WLS: variants seen among roughly 807,000 people sequenced by gnomAD.
WLS encodes Wnt ligand secretion mediator, also known as protein wntless homolog.
Under a neutral mutation model 62.8 loss-of-function variants are expected in WLS, and 23 were observed. The observed-to-expected ratio is 0.37, with a 90% confidence interval of 0.26 to 0.52. WLS has a LOEUF of 0.52. Ranked by LOEUF, WLS falls within the 20% of genes least tolerant of loss-of-function variation. The pLI is 0.92. For synonymous variants in WLS, 246 were observed against 244.1 expected (o/e 1.01, Z -0.07); for missense variants, 615 against 697.3 (o/e 0.88, Z 1.33).
intron 11 of WLS, among the ~76,000 whole-genome samples, chr1:68,112,612 C>T (rs1646242467): frequency 6.6e-6 from 1 of 152,188 alleles, no homozygotes; most frequent in Admixed American, 6.5e-5. Flanking sequence ...ACCTTTTATC[C>T]AACTCTTTCA....
chr1:68,162,389 G>A, intron 2 of WLS: 2 of 1,613,890 alleles, frequency 1.2e-6, no homozygotes, highest in Non-Finnish European at 1.7e-6. Context: ...CAGTCGCTCT[G>A]ATACAGCAAA....
At chr1:68,119,628 C>T (rs917471319) in intron 11 of WLS, among the ~76,000 whole-genome samples, 1 of 152,370 alleles carries the variant, frequency 6.6e-6, no homozygotes, top group Non-Finnish European at 1.5e-5. Flanking sequence ...CCTGGCCGTG[C>T]ACCTTGGTGG....
intron 2 of WLS, chr1:68,186,606 T>G (rs1454353860): frequency 2.2e-6 from 1 of 456,098 alleles, no homozygotes; most frequent in Non-Finnish European, 4.4e-6. Flanking sequence ...AATAGGATCT[T>G]GTTTGCCACA....
At chr1:68,191,734 G>A (rs1007434806) in intron 2 of WLS, among the ~76,000 whole-genome samples, 7 of 152,246 alleles carry the variant, frequency 4.6e-5, no homozygotes, top group African/African-American at 1.7e-4. Context: ...TAGGGACATG[G>A]GAACCACCAC....
At chr1:68,136,213 C>CCCT (rs1222823828) in intron 11 of WLS, among the ~76,000 whole-genome samples, 1 of 152,132 alleles carries the variant, frequency 6.6e-6, no homozygotes, top group Non-Finnish European at 1.5e-5. Context: ...GTAACTACCC[C>CCCT]CCTCCCTTCT....
At chr1:68,157,031 G>A (rs984194663) in intron 3 of WLS, among the ~76,000 whole-genome samples, 2 of 152,152 alleles carry the variant, frequency 1.3e-5, no homozygotes, top group African/African-American at 2.4e-5. Flanking sequence ...TGTGTGTCTC[G>A]CCCAGGGTCC....
At chr1:68,121,538 C>T (rs1646363462), downstream of WLS, among the ~76,000 whole-genome samples, 1 of 152,156 alleles carries the variant, frequency 6.6e-6, no homozygotes, top group Admixed American at 6.5e-5. Flanking sequence ...ATCTCAGAAA[C>T]CAAGTTATCC....
chr1:68,162,171 C>G, intron 2 of WLS: 1 of 1,447,348 alleles, frequency 6.9e-7, no homozygotes, highest in Non-Finnish European at 9.7e-7. Flanking sequence ...TCAACGGACC[C>G]TGAGCAAAGC....
At position 68,108,590 on chromosome 1, in the gene WLS, G is replaced by A. The variant is rs186999751; in HGVS notation, c.1511-9837C>T. Among the ~76,000 whole-genome samples, 26 of 152,196 alleles carry A rather than the reference G, an allele frequency of 1.7e-4. No homozygotes were observed. In the East Asian group the frequency reaches 4.3e-3, roughly 25 times the overall value. On this transcript the variant is annotated intron_variant, in intron 11 of 11. Coordinates refer to the WLS transcript ENST00000354777. ...CAATGAGCTCAAAGAGTAGTTCACTGGCCTTAAAGGAATTCATCAAATACT... is the reference window on the plus strand; with the variant it reads ...CAATGAGCTCAAAGAGTAGTTCACTAGCCTTAAAGGAATTCATCAAATACT...
intron 1 of WLS, chr1:68,231,836 G>C (rs1428087934): frequency 2.4e-6 from 1 of 416,936 alleles, no homozygotes; most frequent in Admixed American, 4.0e-5. Flanking sequence ...GAGAGGAAAA[G>C]GGGGGGAACG....
intron 1 of WLS, among the ~76,000 whole-genome samples, chr1:68,207,319 T>G (rs1245529497): frequency 6.6e-6 from 1 of 152,230 alleles, no homozygotes; most frequent in Non-Finnish European, 1.5e-5. Context: ...ATTTGGATCA[T>G]GTCCAGCCTC....
intron 4 of WLS, 134 bp from the exon 5 acceptor site, chr1:68,153,787 T>C: frequency 3.5e-6 from 4 of 1,153,396 alleles, no homozygotes; most frequent in Non-Finnish European, 4.9e-6. Context: ...TTCACATTCA[T>C]AGCAGGTACT....
chr1:68,121,347 C>G (rs1343603308), downstream of WLS: 3 of 151,894 alleles, frequency 2.0e-5, no homozygotes, highest in Non-Finnish European at 4.4e-5. Flanking sequence ...GCAGGCCCTA[C>G]AAAAAGGGGT....
intron 11 of WLS, among the ~76,000 whole-genome samples, chr1:68,135,822 C>T (rs999774064): frequency 2.6e-5 from 4 of 152,132 alleles, no homozygotes; most frequent in Admixed American, 2.6e-4. Context: ...TTGTGGAAGC[C>T]CACTGCTTGA....
intron 10 of WLS, among the ~76,000 whole-genome samples, chr1:68,140,187 GA>G (rs1331266543): frequency 2.0e-5 from 3 of 152,202 alleles, no homozygotes; most frequent in Non-Finnish European, 2.9e-5. Flanking sequence ...CTGTGGCACA[GA>G]AAGATGGAGT....
chr1:68,153,330 G>C (rs756292180), intron 5 of WLS, among the ~76,000 whole-genome samples, 187 bp downstream of exon 5: 3 of 152,092 alleles, frequency 2.0e-5, no homozygotes, highest in Non-Finnish European at 4.4e-5. Flanking sequence ...GTAGAACCCC[G>C]AGGATTTACT....
chr1:68,160,095 A>C (rs1175442633), intron 2 of WLS, among the ~76,000 whole-genome samples: 2 of 38,352 alleles, frequency 5.2e-5, no homozygotes, highest in African/African-American at 1.7e-4. Flanking sequence ...TTTTTTTTTG[A>C]GTATAAAGGT....
intron 1 of WLS, among the ~76,000 whole-genome samples, chr1:68,227,617 A>G (rs1243345891): frequency 6.6e-6 from 1 of 152,174 alleles, no homozygotes; most frequent in African/African-American, 2.4e-5. Flanking sequence ...AAGGTTGCAC[A>G]GTACTCCTAC....
At chr1:68,207,160 A>G (rs928189706) in intron 1 of WLS, among the ~76,000 whole-genome samples, 1 of 152,230 alleles carries the variant, frequency 6.6e-6, no homozygotes, top group Non-Finnish European at 1.5e-5. Context: ...TTATACCCCC[A>G]TAATTTATAA....
Sources: gnomAD v4.1 joint callset for allele counts (sites outside exome capture counted in the v4.1 genomes callset) on GRCh38, gnomAD v4.1.1 for gene constraint, MANE v1.5 for transcripts, NCBI Gene and HGNC (gene_info 2026-07-23, HGNC 2026-07-21) for gene names.